The following STK39 variants were observed in gnomAD, a reference collection of about 807,000 sequenced individuals.
STK39 encodes the protein serine/threonine kinase 39.
In STK39, 20 loss-of-function variants were observed where a neutral mutation model predicts 77.8. That is an observed-to-expected ratio of 0.26 (90% CI 0.18 to 0.37). The LOEUF (loss-of-function observed/expected upper bound fraction) is 0.37, where lower values mean the gene tolerates loss of function less well. Ranked by LOEUF, STK39 falls within the 10% of genes least tolerant of loss-of-function variation. The pLI is 1.00. For synonymous variants in STK39, 246 were observed against 234.1 expected (o/e 1.05, Z -0.47); for missense variants, 479 against 656.5 (o/e 0.73, Z 2.95).
intron 2 of STK39, among the ~76,000 whole-genome samples, chr2:168,175,672 T>C (rs181442471): frequency 5.9e-5 from 9 of 152,342 alleles, no homozygotes; most frequent in Admixed American, 4.6e-4. Flanking sequence ...CTCCAATTCG[T>C]TAAGAATGTT....
At chr2:168,039,324 G>C (rs1308155666) in intron 14 of STK39, among the ~76,000 whole-genome samples, 1 of 18,994 alleles carries the variant, frequency 5.3e-5, no homozygotes, top group Non-Finnish European at 2.1e-4. Context: ...CGGGCGCGGT[G>C]GCTCACGCCT....
At chr2:168,230,442 A>T (rs543289893) in intron 1 of STK39, among the ~76,000 whole-genome samples, 1 of 152,332 alleles carries the variant, frequency 6.6e-6, no homozygotes, top group African/African-American at 2.4e-5. Context: ...GCCAACAGCC[A>T]CCACCAACCA....
intron 16 of STK39, among the ~76,000 whole-genome samples, chr2:167,972,466 T>C (rs1294874378): frequency 1.3e-5 from 2 of 152,178 alleles, no homozygotes; most frequent in Non-Finnish European, 2.9e-5. Context: ...CTTGTAACCA[T>C]GTGGCCTTGC....
intron 14 of STK39, among the ~76,000 whole-genome samples, chr2:168,039,176 C>G (rs1455443989): frequency 6.6e-6 from 1 of 152,114 alleles, no homozygotes; most frequent in Non-Finnish European, 1.5e-5. Flanking sequence ...GTGGTATATC[C>G]ATATTCCTCT....
chr2:168,012,846 A>C, intron 15 of STK39, 144 bp from the exon 16 acceptor site: 1 of 531,442 alleles, frequency 1.9e-6, no homozygotes, highest in Non-Finnish European at 3.1e-6. Flanking sequence ...GGAGAAAATC[A>C]GAAGCAACAT....
Position 168,237,710 on chromosome 2 carries a change from T to C in STK39, c.208+9518A>G, listed in dbSNP as rs755377104. On this transcript the variant is annotated intron_variant, in intron 1 of 17. Coordinates refer to ENST00000355999, the MANE Select transcript of STK39 (RefSeq NM_013233.3). ...GGACCATAGGCAAGTTTCTTCAACT[T>C]TGGCCATTAGAGAGTTTTCAGTTAC... 5.6e-4 allele frequency among the ~76,000 whole-genome samples: 85 copies of C among 152,314 alleles called. 1 individual carries two copies. The highest frequency in any genetic ancestry group is 2.3e-3 in the South Asian group (11 of 4,822).
At chr2:168,187,825 C>T (rs552869107) in intron 1 of STK39, among the ~76,000 whole-genome samples, 2 of 151,924 alleles carry the variant, frequency 1.3e-5, no homozygotes, top group East Asian at 1.9e-4. Flanking sequence ...AAGAACTTTA[C>T]GTTAAAGTTA....
chr2:168,219,142 C>A (rs1690099068), intron 1 of STK39, among the ~76,000 whole-genome samples: 1 of 152,022 alleles, frequency 6.6e-6, no homozygotes, highest in Non-Finnish European at 1.5e-5. Context: ...GGCAGAGGGT[C>A]AGGCGCGGTG....
chr2:168,195,860 T>C (rs1373681075), intron 1 of STK39, among the ~76,000 whole-genome samples: 1 of 151,898 alleles, frequency 6.6e-6, no homozygotes, highest in Non-Finnish European at 1.5e-5. Flanking sequence ...CTACTAAAAA[T>C]CAAAAAATTA....
At chr2:168,059,649 G>A (rs972192895) in intron 14 of STK39, among the ~76,000 whole-genome samples, 1 of 152,144 alleles carries the variant, frequency 6.6e-6, no homozygotes, top group Non-Finnish European at 1.5e-5. Flanking sequence ...GCGAGACACT[G>A]AGCAGACTAT....
At chr2:168,020,206 A>C (rs1459283338) in intron 14 of STK39, among the ~76,000 whole-genome samples, 3 of 152,220 alleles carry the variant, frequency 2.0e-5, no homozygotes, top group Non-Finnish European at 4.4e-5. Flanking sequence ...ATTTAAAAAA[A>C]TTTATTAATT....
chr2:168,014,190 CA>C (rs1684347735), intron 15 of STK39, among the ~76,000 whole-genome samples: 1 of 152,068 alleles, frequency 6.6e-6, no homozygotes, highest in Non-Finnish European at 1.5e-5. Flanking sequence ...GCCAGCAGTA[CA>C]AAAAACACCT....
At chr2:168,024,388 G>C (rs1684646806) in intron 14 of STK39, among the ~76,000 whole-genome samples, 2 of 152,208 alleles carry the variant, frequency 1.3e-5, no homozygotes, top group Admixed American at 1.3e-4. Context: ...CCCCCAAAAA[G>C]GATGTGCTGG....
At chr2:168,069,864 G>A (rs1265991147) in intron 12 of STK39, among the ~76,000 whole-genome samples, 1 of 152,138 alleles carries the variant, frequency 6.6e-6, no homozygotes. Context: ...TAACTGAGAT[G>A]CTACTATAAA....
At chr2:168,149,754 A>C (rs1349789195) in intron 5 of STK39, among the ~76,000 whole-genome samples, 1 of 152,256 alleles carries the variant, frequency 6.6e-6, no homozygotes, top group Non-Finnish European at 1.5e-5. Context: ...CTCCAGTATC[A>C]AGCATGGCTT....
intron 14 of STK39, among the ~76,000 whole-genome samples, chr2:168,062,234 G>A (rs931362560): frequency 6.6e-6 from 1 of 152,166 alleles, no homozygotes; most frequent in East Asian, 1.9e-4. Flanking sequence ...GACAACATGA[G>A]CCTGGCACAG....
At chr2:168,236,786 C>G (rs900661757) in intron 1 of STK39, among the ~76,000 whole-genome samples, 3 of 152,136 alleles carry the variant, frequency 2.0e-5, no homozygotes, top group Non-Finnish European at 2.9e-5. Context: ...TCTGAGGGCT[C>G]TGTTCTGTTC....
chr2:168,172,415 C>T (rs914734906), intron 2 of STK39, among the ~76,000 whole-genome samples: 1 of 152,156 alleles, frequency 6.6e-6, no homozygotes, highest in Non-Finnish European at 1.5e-5. Context: ...ATTGTCTCAA[C>T]CCATGTTTTT....
At chr2:168,174,542 A>T (rs1207777044) in intron 2 of STK39, among the ~76,000 whole-genome samples, 3 of 152,054 alleles carry the variant, frequency 2.0e-5, no homozygotes, top group Admixed American at 1.3e-4. Flanking sequence ...TAGTTAGCTA[A>T]AAAAGTTATT....
Sources: allele counts gnomAD v4.1 joint callset (sites outside exome capture counted in the v4.1 genomes callset), GRCh38; gene constraint gnomAD v4.1.1; transcripts MANE v1.5; gene names NCBI Gene and HGNC (gene_info 2026-07-23, HGNC 2026-07-21).